ARFGEF1: variants seen among roughly 807,000 people sequenced by gnomAD.
ARFGEF1 encodes the protein ARF guanine nucleotide exchange factor 1, also known as brefeldin A-inhibited guanine nucleotide-exchange protein 1.
In ARFGEF1, 42 loss-of-function variants were observed where a neutral mutation model predicts 231.0. That is an observed-to-expected ratio of 0.18 (90% CI 0.14 to 0.24). The LOEUF is 0.24. Among genes scored for constraint, ARFGEF1 ranks in the 10% least tolerant of loss-of-function variants. The probability of loss-of-function intolerance (pLI) is 1.00; values close to 1 mark genes in which losing one functional copy is unlikely to be tolerated. For missense variants in ARFGEF1, 1,345 were observed against 2,192.0 expected, an observed-to-expected ratio of 0.61 and a Z score of 7.72; for synonymous variants, 710 against 732.3, an observed-to-expected ratio of 0.97 and a Z score of 0.49.
At chr8:67,299,382 C>A (rs1373581467) in intron 3 of ARFGEF1, 27 bp from the exon 4 acceptor site, 1 of 1,591,842 alleles carries the variant, frequency 6.3e-7, no homozygotes, top group Non-Finnish European at 8.5e-7. Flanking sequence ...AAACAAAGAT[C>A]CTAAGTAAGG....
intron 21 of ARFGEF1, 28 bp downstream of exon 21, chr8:67,238,707 T>G: frequency 6.2e-7 from 1 of 1,605,616 alleles, no homozygotes. Flanking sequence ...TAAACCAAAT[T>G]GCAAAGTTGA....
Position 67,197,928 on chromosome 8 carries a change from C to T in ARFGEF1, c.*1006G>A. 6 of 985,778 alleles carry T rather than the reference C, an allele frequency of 6.1e-6. No individual in the cohort carries two copies. Among genetic ancestry groups the T allele is most frequent in the Non-Finnish European group, 7.2e-6 (6 of 829,918 alleles). The allele number at this position is 985,778 out of a possible 1,614,324, so 61.1% of individuals were successfully genotyped here. On this transcript the variant is annotated 3_prime_UTR_variant, in exon 39 of 39. Coordinates refer to ENST00000262215, the MANE Select transcript of ARFGEF1 (RefSeq NM_006421.5). ...GTAAATCTAACCTCCGCAAACCATG[C>T]CAGATTTGTTATTTTAATATATTCA...
At chr8:67,247,097 T>C (rs1319642588) in intron 19 of ARFGEF1, among the ~76,000 whole-genome samples, 2 of 150,016 alleles carry the variant, frequency 1.3e-5, no homozygotes, top group African/African-American at 5.0e-5. Context: ...ATCAAAGCCA[T>C]AACAAAAAGT....
chr8:67,192,066 GTTTTTTTTTTTGT>G, intron 5 of ARFGEF1, among the ~76,000 whole-genome samples: 1 of 129,864 alleles, frequency 7.7e-6, no homozygotes. Context: ...TTGCTGATTT[GTTTTTTTTTTTGT>G]TTTTTTTTTT....
chr8:67,227,865 A>G, intron 25 of ARFGEF1, 98 bp downstream of exon 25: 2 of 1,047,674 alleles, frequency 1.9e-6, no homozygotes, highest in Non-Finnish European at 2.6e-6. Flanking sequence ...AGTAATAAAT[A>G]ATTGCTTGGA....
intron 29 of ARFGEF1, among the ~76,000 whole-genome samples, chr8:67,223,994 T>C (rs1839289523): frequency 6.6e-6 from 1 of 152,214 alleles, no homozygotes; most frequent in African/African-American, 2.4e-5. Flanking sequence ...CGAATTTCTG[T>C]TGTAACAAAT....
chr8:67,311,675 C>T (rs1438967268), intron 1 of ARFGEF1, among the ~76,000 whole-genome samples: 1 of 152,070 alleles, frequency 6.6e-6, no homozygotes, highest in Non-Finnish European at 1.5e-5. Context: ...CGCCTCTGCC[C>T]GGCCGCCCCT....
At position 67,259,899 on chromosome 8, in the gene ARFGEF1, T is replaced by C; in HGVS notation, c.2151A>G (p.Ile717Met). ...GCATCCCTTGTTCTTGGAGGTACTG[T>C]ATTCCTCTCTTTGGTTTCTTATTAA... is the stretch of plus-strand genomic sequence containing the variant. ...DLFNKKPKRG[I>M]QYLQEQGMLG... Residue 717 changes from isoleucine to methionine, a missense_variant, in exon 15 of 39, where the codon ATA becomes ATG. Transcript: ENST00000262215. 6.2e-7 allele frequency: 1 copy of C among 1,609,774 alleles called. No homozygotes were observed. Among genetic ancestry groups the C allele is most frequent in the Non-Finnish European group, 8.5e-7 (1 of 1,177,900 alleles).
chr8:67,215,551 C>T (rs887240243), intron 33 of ARFGEF1, among the ~76,000 whole-genome samples: 1 of 152,020 alleles, frequency 6.6e-6, no homozygotes, highest in Non-Finnish European at 1.5e-5. Context: ...CTTCATAAAA[C>T]AAAAAGGAGA....
chr8:67,185,616 A>C (rs557421471), intron 5 of ARFGEF1, among the ~76,000 whole-genome samples: 2 of 152,324 alleles, frequency 1.3e-5, no homozygotes, highest in African/African-American at 4.8e-5. Flanking sequence ...AGGAAGATGC[A>C]GAGTCAGAAG....
chr8:67,243,327 CAT>C (rs1839987674), intron 19 of ARFGEF1, among the ~76,000 whole-genome samples: 2 of 152,188 alleles, frequency 1.3e-5, no homozygotes, highest in Non-Finnish European at 2.9e-5. Context: ...GACTCAGTTC[CAT>C]GTGGCTGAGA....
intron 1 of ARFGEF1, among the ~76,000 whole-genome samples, chr8:67,314,130 C>G (rs1331589596): frequency 1.3e-5 from 2 of 152,192 alleles, no homozygotes; most frequent in Non-Finnish European, 2.9e-5. Context: ...CCTGCAACAG[C>G]CCCAAGTCTG....
intron 1 of ARFGEF1, among the ~76,000 whole-genome samples, chr8:67,337,097 C>G (rs965654768): frequency 4.4e-5 from 6 of 135,904 alleles, no homozygotes; most frequent in African/African-American, 1.7e-4. Context: ...CCACTGCACT[C>G]CAGCCTGTGT....
chr8:67,281,207 T>C (rs1476427894), intron 7 of ARFGEF1, among the ~76,000 whole-genome samples: 2 of 152,040 alleles, frequency 1.3e-5, no homozygotes, highest in Admixed American at 1.3e-4. Flanking sequence ...TAGAGAAGAC[T>C]GCAATAGCAA....
chr8:67,333,098 C>T (rs1056551304), intron 1 of ARFGEF1, among the ~76,000 whole-genome samples: 10 of 150,062 alleles, frequency 6.7e-5, no homozygotes, highest in Admixed American at 6.6e-4. Flanking sequence ...TGCAGTGGCG[C>T]AATCTCAGCT....
Position 67,289,285 on chromosome 8 carries a change from G to C in ARFGEF1, c.917-1220C>G, listed in dbSNP as rs578231969. Among the ~76,000 whole-genome samples, 7 of 152,014 alleles carry C rather than the reference G, an allele frequency of 4.6e-5. No homozygotes were observed. The South Asian group carries it at 1.0e-3, about 23-fold the overall frequency. On this transcript the variant is annotated intron_variant, in intron 6 of 38. Coordinates refer to ENST00000262215, the MANE Select transcript of ARFGEF1 (RefSeq NM_006421.5). ...AGGACCACTACAGCTGAGCACAGGG[G>C]GGGTCACACCTGTAATCCCAGCACT...
chr8:67,321,695 C>T (rs922507677), intron 1 of ARFGEF1, among the ~76,000 whole-genome samples: 5 of 152,050 alleles, frequency 3.3e-5, no homozygotes, highest in African/African-American at 1.2e-4. Flanking sequence ...CTCCTGACTT[C>T]GTGATCCGCC....
At chr8:67,334,482 G>C (rs374400776) in intron 1 of ARFGEF1, among the ~76,000 whole-genome samples, 1 of 152,174 alleles carries the variant, frequency 6.6e-6, no homozygotes, top group Non-Finnish European at 1.5e-5. Context: ...CTCATACACT[G>C]CTGGTGGGTA....
intron 7 of ARFGEF1, among the ~76,000 whole-genome samples, chr8:67,284,043 A>C (rs1462462055): frequency 6.6e-6 from 1 of 152,236 alleles, no homozygotes; most frequent in Non-Finnish European, 1.5e-5. Context: ...TATTCACTGC[A>C]GCATTATTTG....
Sources: gnomAD v4.1 joint callset for allele counts (sites outside exome capture counted in the v4.1 genomes callset) on GRCh38, gnomAD v4.1.1 for gene constraint, MANE v1.5 for transcripts, NCBI Gene and HGNC (gene_info 2026-07-23, HGNC 2026-07-21) for gene names.